The following BACH2 variants were observed in gnomAD, a reference collection of about 807,000 sequenced individuals.
BACH2 encodes transcription regulator protein BACH2.
A neutral mutation model predicts 61.8 loss-of-function variants in BACH2; 5 were observed. That is an observed-to-expected ratio of 0.08 (90% CI 0.04 to 0.17). The LOEUF (loss-of-function observed/expected upper bound fraction) is 0.17, where lower values mean the gene tolerates loss of function less well. BACH2 is among the 10% of genes least tolerant of loss of function. The pLI is 1.00. For missense variants in BACH2, 824 were observed against 1,091.1 expected (o/e 0.76, Z 3.45); for synonymous variants, 446 against 440.1 (o/e 1.01, Z -0.17).
chr6:90,291,318 T>C (rs184631739), intron 1 of BACH2, among the ~76,000 whole-genome samples: 2 of 152,272 alleles, frequency 1.3e-5, no homozygotes, highest in South Asian at 2.1e-4. Flanking sequence ...GCAAAATTCC[T>C]GCCTGAATTT....
Position 90,296,629 on chromosome 6 carries a change from GC to G in BACH2, c.-596del, listed in dbSNP as rs534249063. On this transcript the variant is annotated 5_prime_UTR_variant, in exon 1 of 9. Coordinates refer to ENST00000257749, the MANE Select transcript of BACH2 (RefSeq NM_021813.4). ...CGCATCACATGGCAGCTCGTTCCCA[GC>G]CCCCCGAGTGCGCCGGGAAGGGGGA... 3.9e-3 allele frequency: 599 copies of G among 152,452 alleles called. 5 individuals carry two copies. Among genetic ancestry groups the G allele is most frequent in the African/African-American group, 0.013 (545 of 41,442 alleles). The allele number at this position is 152,452 out of a possible 1,614,324, so 9.4% of individuals were successfully genotyped here. A position where few individuals can be genotyped will look rare whatever the true frequency, so the allele number is the denominator to read the frequency against.
At chr6:89,989,059 C>T (rs1370588605) in intron 6 of BACH2, among the ~76,000 whole-genome samples, 2 of 152,212 alleles carry the variant, frequency 1.3e-5, no homozygotes, top group African/African-American at 4.8e-5. Flanking sequence ...CTTGACCTCT[C>T]ATGGCCCCTG....
intron 3 of BACH2, among the ~76,000 whole-genome samples, chr6:90,221,873 A>G (rs1262434155): frequency 6.6e-6 from 1 of 152,178 alleles, no homozygotes; most frequent in Non-Finnish European, 1.5e-5. Flanking sequence ...CTGGGAGATG[A>G]GGCCAAAGAG....
At chr6:90,100,484 T>C (rs1414586678) in intron 4 of BACH2, among the ~76,000 whole-genome samples, 3 of 152,120 alleles carry the variant, frequency 2.0e-5, no homozygotes, top group African/African-American at 7.2e-5. Context: ...ATCCAATCAG[T>C]TGAAGGCCTT....
intron 5 of BACH2, among the ~76,000 whole-genome samples, chr6:90,020,318 C>T (rs1778306028): frequency 6.6e-6 from 1 of 152,132 alleles, no homozygotes. Context: ...AATGTGGCAG[C>T]ATTAAGACAT....
At chr6:90,225,911 T>A (rs1769897873) in intron 3 of BACH2, among the ~76,000 whole-genome samples, 1 of 152,048 alleles carries the variant, frequency 6.6e-6, no homozygotes, top group African/African-American at 2.4e-5. Flanking sequence ...CAAGAGGCCA[T>A]CAGTTCAAGC....
chr6:89,932,537 A>C lies in BACH2; in HGVS notation c.2397T>G (p.Thr799=). Residue 799 remains threonine (T), a synonymous_variant, in exon 9 of 9, where the codon ACT becomes ACG. Coordinates refer to ENST00000257749, the MANE Select transcript of BACH2 (RefSeq NM_021813.4). ...NCTSGRRLEG[T]DPGTFSERGP... is the part of the protein sequence containing the mutation. ...CTCTCTCTGAGAAGGTTCCCGGGTC[A>C]GTGCCTTCTAGTCTCCTCCCAGAGG... 1 of 1,613,972 alleles carries C rather than the reference A, an allele frequency of 6.2e-7. No homozygotes were observed. Among genetic ancestry groups the C allele is most frequent in the Non-Finnish European group, 8.5e-7 (1 of 1,179,986 alleles).
intron 5 of BACH2, among the ~76,000 whole-genome samples, chr6:90,048,928 T>G (rs1779911107): frequency 6.6e-6 from 1 of 152,212 alleles, no homozygotes; most frequent in Admixed American, 6.5e-5. Context: ...ATACTTTTTC[T>G]GTAAAAAGGG....
chr6:90,199,318 A>G (rs1768875253), intron 4 of BACH2, among the ~76,000 whole-genome samples: 2 of 152,228 alleles, frequency 1.3e-5, no homozygotes, highest in Non-Finnish European at 2.9e-5. Context: ...GCATTACCAT[A>G]GTTCCATAGT....
At chr6:90,271,191 CA>C (rs1412672805) in intron 2 of BACH2, among the ~76,000 whole-genome samples, 1 of 151,700 alleles carries the variant, frequency 6.6e-6, no homozygotes, top group Non-Finnish European at 1.5e-5. Flanking sequence ...AACCCAAAAG[CA>C]AATGCAACAA....
At chr6:90,011,930 A>AAATGTG (rs1491345075) in intron 5 of BACH2, among the ~76,000 whole-genome samples, 1 of 98,680 alleles carries the variant, frequency 1.0e-5, no homozygotes, top group Admixed American at 1.1e-4. Context: ...AAAAAAAAAA[A>AAATGTG]TATGTGTGTG....
At chr6:89,953,491 C>T (rs781414536) in intron 6 of BACH2, among the ~76,000 whole-genome samples, 4 of 152,158 alleles carry the variant, frequency 2.6e-5, no homozygotes, top group Admixed American at 6.6e-5. Flanking sequence ...AAACAAAAAG[C>T]CATGACTGCT....
At position 89,950,712 on chromosome 6, in the gene BACH2, C is replaced by T. The variant is rs1380812931; in HGVS notation, c.1394G>A (p.Gly465Asp). The part of the protein sequence containing the change: ...DKDLSEPVPK[G>D]LWVGAGQSLP... ...GGACTGGCCGGCTCCCACCCACAGA[C>T]CCTTTGGCACCGGCTCAGAGAGGTC... Residue 465 changes from glycine to aspartate, a missense_variant, in exon 7 of 9, where the codon GGT becomes GAT. Physicochemically the swap from Gly to Asp is moderately conservative, Grantham distance 94. This residue lies in a region of BACH2 where 102 missense variants were observed against 98.1 expected (regional missense o/e 1.04). Transcript: ENST00000257749. This position sits in a 1 kb window ranked among gnomAD's most constrained non-coding sequence, Gnocchi z 5.3. 1 of 1,614,088 alleles carries T rather than the reference C, an allele frequency of 6.2e-7. No individual in the cohort carries two copies. The highest frequency in any genetic ancestry group is 1.3e-5 in the African/African-American group (1 of 74,944).
At chr6:90,286,419 C>T (rs1464494159) in intron 1 of BACH2, among the ~76,000 whole-genome samples, 1 of 152,160 alleles carries the variant, frequency 6.6e-6, no homozygotes, top group Admixed American at 6.5e-5. Context: ...TCTGCAGGAA[C>T]ACTGGTTGTC....
chr6:90,039,431 C>G (rs1218355634), intron 5 of BACH2, among the ~76,000 whole-genome samples: 1 of 152,094 alleles, frequency 6.6e-6, no homozygotes, highest in Non-Finnish European at 1.5e-5. Context: ...GTCGCCCAGG[C>G]TGGAATGCAG....
chr6:89,957,568 C>T (rs1774493301), intron 6 of BACH2, among the ~76,000 whole-genome samples: 1 of 152,200 alleles, frequency 6.6e-6, no homozygotes, highest in African/African-American at 2.4e-5. Flanking sequence ...GACAGGGTCT[C>T]ATACTGGTTG....
intron 3 of BACH2, among the ~76,000 whole-genome samples, chr6:90,222,557 T>C (rs1212394718): frequency 6.6e-6 from 1 of 152,172 alleles, no homozygotes; most frequent in Non-Finnish European, 1.5e-5. Context: ...GCTCACTGAT[T>C]GTGTATTTAA....
chr6:90,021,930 G>C (rs1487707336), intron 5 of BACH2, among the ~76,000 whole-genome samples: 1 of 152,192 alleles, frequency 6.6e-6, no homozygotes, highest in Non-Finnish European at 1.5e-5. Flanking sequence ...ATCCTAGTTA[G>C]TGCCAAGGGA....
chr6:89,987,374 G>T (rs11755322), intron 6 of BACH2, among the ~76,000 whole-genome samples: 12,671 of 152,122 alleles, frequency 0.083, 574 homozygotes, highest in African/African-American at 0.1. Flanking sequence ...CAAATCAGAT[G>T]GAGGCTGTCG....
Sources: allele counts gnomAD v4.1 joint callset (sites outside exome capture counted in the v4.1 genomes callset), GRCh38; gene constraint gnomAD v4.1.1; regional missense constraint gnomAD v4.1.1; non-coding constraint Gnocchi (gnomAD v3.1); transcripts MANE v1.5; gene names NCBI Gene and HGNC (gene_info 2026-07-23, HGNC 2026-07-21).